The following TMEM80 variants were observed in gnomAD, a reference collection of about 807,000 sequenced individuals.
TMEM80 encodes transmembrane protein 80.
Under a neutral mutation model 13.6 loss-of-function variants are expected in TMEM80, and 16 were observed. The observed-to-expected ratio is 1.17, with a 90% CI of 0.79 to 1.78. The LOEUF (loss-of-function observed/expected upper bound fraction) is 1.78. Ranked by LOEUF, TMEM80 falls within the 40% of genes most tolerant of loss-of-function variation. The pLI is 0.00. For synonymous variants in TMEM80, 92 were observed against 89.5 expected, an observed-to-expected ratio of 1.03 and a Z score of -0.16; for missense variants, 167 against 184.6, an observed-to-expected ratio of 0.90 and a Z score of 0.55.
At chr11:700,009 C>T (rs944339360) in intron 2 of TMEM80, 133 bp from the exon 3 acceptor site, 12 of 668,778 alleles carry the variant, frequency 1.8e-5, no homozygotes, top group Admixed American at 2.6e-5. Flanking sequence ...AGGCAGTGAG[C>T]CATTGCCAAG....
rs1334470203 is a variant in TMEM80, at chr11:702,886, G to A, written c.227-59G>A. ...CCAGCAGCCCTCCAGGCACCTGTGG[G>A]CGGTGGGCTCCAGGGAGCGCCTCGC... On this transcript the variant is annotated intron_variant, in intron 4 of 4. Transcript: ENST00000397510. 11 of 1,501,202 alleles carry A rather than the reference G, an allele frequency of 7.3e-6. No individual in the cohort carries two copies. The East Asian group carries it at 2.5e-4, about 34-fold the overall frequency. The allele number at this position is 1,501,202 out of a possible 1,614,324, so 93.0% of individuals were successfully genotyped here.
intron 1 of TMEM80, among the ~76,000 whole-genome samples, chr11:698,170 C>T (rs1329447152): frequency 6.6e-6 from 1 of 152,190 alleles, no homozygotes; most frequent in Non-Finnish European, 1.5e-5. Context: ...GGCCTGAGCC[C>T]TTTTCAGACA....
In TMEM80 at chr11:703,176, C is replaced by A. The variant is rs1348939141; in HGVS notation, c.*26C>A. The A allele has an allele frequency of 6.3e-6, 10 of 1,581,198 alleles. No homozygotes were observed. In the African/African-American group the frequency reaches 1.1e-4, roughly 17 times the overall value. ...CTACGGACACCCGGGATACCCCACA[C>A]TGGGGCCCTCCTCCTGGGCCTGACC... On this transcript the variant is annotated 3_prime_UTR_variant, in exon 5 of 5. Coordinates refer to ENST00000397510, the MANE Select transcript of TMEM80 (RefSeq NM_001042463.3).
intron 2 of TMEM80, 40 bp downstream of exon 2, chr11:698,928 C>T (rs1861321446): frequency 6.2e-7 from 1 of 1,613,340 alleles, no homozygotes; most frequent in African/African-American, 1.3e-5. Flanking sequence ...CACCCAGAGG[C>T]CCGAATTGCT....
chr11:701,386 G>A (rs1266288548), intron 4 of TMEM80, among the ~76,000 whole-genome samples: 1 of 144,862 alleles, frequency 6.9e-6, no homozygotes, highest in African/African-American at 2.6e-5. Context: ...TTTTTTTTTG[G>A]TAGAGACGAG....
downstream of TMEM80, chr11:704,465 G>A (rs1242347391): frequency 1.3e-5 from 17 of 1,289,362 alleles, no homozygotes; most frequent in Admixed American, 1.8e-4. Flanking sequence ...CTGCAGGACA[G>A]CCCTGAGGAC....
At position 701,631 on chromosome 11, in the gene TMEM80, C is replaced by G. The variant is rs542069638; in HGVS notation, c.226+924C>G. 3.8e-4 allele frequency among the ~76,000 whole-genome samples: 57 copies of G among 151,942 alleles called. 1 individual carries two copies. Among genetic ancestry groups the G allele is most frequent in the South Asian group, 2.1e-4 (1 of 4,808 alleles). On this transcript the variant is annotated intron_variant, in intron 4 of 4. Coordinates refer to ENST00000397510, the MANE Select transcript of TMEM80 (RefSeq NM_001042463.3). ...TCACCATGTTAGCCAGGATGGTTTC[C>G]ATCTCCTGACCTCCTGATCCGCCCA...
Position 703,483 on chromosome 11 carries a change from G to T in TMEM80, c.*333G>T. On this transcript the variant is annotated 3_prime_UTR_variant, in exon 5 of 5. Coordinates refer to ENST00000397510, the MANE Select transcript of TMEM80 (RefSeq NM_001042463.3). ...CCACAGACCCCCATGGGCCCCCAGG[G>T]CCGAGAGGGAGGACAGAGCCCTTCA... 1 of 1,257,262 alleles carries T rather than the reference G, an allele frequency of 8.0e-7. No individual in the cohort carries two copies. Among genetic ancestry groups the T allele is most frequent in the East Asian group, 3.1e-5 (1 of 32,246 alleles). The allele number at this position is 1,257,262 out of a possible 1,614,324, so 77.9% of individuals were successfully genotyped here.
chr11:695,811 C>T (rs1260577915), upstream of TMEM80: 1 of 1,232,202 alleles, frequency 8.1e-7, no homozygotes, highest in Non-Finnish European at 1.0e-6. Flanking sequence ...GACGGACCGG[C>T]GGGCGGGGCG....
chr11:704,769 T>G (rs1027778694), downstream of TMEM80: 4 of 692,158 alleles, frequency 5.8e-6, no homozygotes, highest in Non-Finnish European at 8.4e-6. Context: ...CTGGACTGTC[T>G]CCTGAGGGCA....
chr11:696,843 G>C (rs1861200962), intron 1 of TMEM80, among the ~76,000 whole-genome samples: 1 of 69,754 alleles, frequency 1.4e-5, no homozygotes, highest in Non-Finnish European at 3.2e-5. Context: ...ACTTTGGGAG[G>C]CCAAAGCGGG....
At chr11:697,019 G>T (rs867650468) in intron 1 of TMEM80, among the ~76,000 whole-genome samples, 1 of 151,614 alleles carries the variant, frequency 6.6e-6, no homozygotes, top group African/African-American at 2.4e-5. Flanking sequence ...TGGTGGTGGG[G>T]GGGGTGGGGT....
downstream of TMEM80, chr11:704,506 G>A (rs751251365): frequency 1.0e-4 from 131 of 1,289,112 alleles, no homozygotes; most frequent in Non-Finnish European, 1.1e-4. Flanking sequence ...TGAGCGCCTC[G>A]GGCCACCTCC....
rs1861590224 is a variant in TMEM80, at chr11:703,418, T to A, written c.*268T>A. 7 of 1,309,792 alleles carry A rather than the reference T, an allele frequency of 5.3e-6. No individual in the cohort carries two copies. In the East Asian group the frequency reaches 1.8e-4, roughly 33 times the overall value. The allele number at this position is 1,309,792 out of a possible 1,614,324, so 81.1% of individuals were successfully genotyped here. On this transcript the variant is annotated 3_prime_UTR_variant, in exon 5 of 5. Transcript: ENST00000397510. ...CAAGATGAGTCCCAGGAGCGCACAC[T>A]CAGCCCTGTCAGTGGGGTCTGGCTT...
chr11:699,817 G>C (rs1861361753), intron 2 of TMEM80: 1 of 292,786 alleles, frequency 3.4e-6, no homozygotes, highest in African/African-American at 2.2e-5. Context: ...CCAAAGGCAG[G>C]GTGACATCAC....
At chr11:696,772 A>ATT (rs147443850) in intron 1 of TMEM80, among the ~76,000 whole-genome samples, 1 of 788 alleles carries the variant, frequency 1.3e-3, no homozygotes, top group African/African-American at 1.4e-3. Flanking sequence ...TTCTACAAAA[A>ATT]AAAAATTAAA....
At chr11:704,407 G>A, downstream of TMEM80, 1 of 1,265,286 alleles carries the variant, frequency 7.9e-7, no homozygotes, top group Non-Finnish European at 1.0e-6. Context: ...CAGTTGTCCT[G>A]GGCCGACTTC....
chr11:699,998 T>A (rs1861370482), intron 2 of TMEM80, 144 bp from the exon 3 acceptor site: 7 of 635,104 alleles, frequency 1.1e-5, no homozygotes, highest in Non-Finnish European at 1.9e-5. Flanking sequence ...AAGCCTCAGA[T>A]AGGCAGTGAG....
chr11:697,148 G>A (rs922348157), intron 1 of TMEM80, among the ~76,000 whole-genome samples: 1 of 151,786 alleles, frequency 6.6e-6, no homozygotes, highest in African/African-American at 2.4e-5. Flanking sequence ...CAGCTACGTG[G>A]GAGGCTGAGG....
Sources: gnomAD v4.1 joint callset for allele counts (sites outside exome capture counted in the v4.1 genomes callset) on GRCh38, gnomAD v4.1.1 for gene constraint, MANE v1.5 for transcripts, NCBI Gene and HGNC (gene_info 2026-07-23, HGNC 2026-07-21) for gene names.